The following ALLC variants were observed in gnomAD, a reference collection of about 807,000 sequenced individuals.
ALLC encodes allantoicase, also known as probable inactive allantoicase.
ALLC carries 40 observed loss-of-function variants against 45.0 expected under a neutral mutation model. The ratio of observed to expected loss-of-function variants is 0.89; its 90% CI spans 0.69 to 1.16. ALLC has a LOEUF of 1.16. Among genes scored for constraint, ALLC ranks in the 50% most tolerant of loss-of-function variants. The pLI is 0.00. For synonymous variants in ALLC, 176 were observed against 178.1 expected, an observed-to-expected ratio of 0.99 and a Z score of 0.09; for missense variants, 488 against 493.1, an observed-to-expected ratio of 0.99 and a Z score of 0.10.
At chr2:3,686,569 G>A (rs1476571656) in intron 7 of ALLC, among the ~76,000 whole-genome samples, 1 of 150,836 alleles carries the variant, frequency 6.6e-6, no homozygotes, top group East Asian at 2.0e-4. Flanking sequence ...TTCAATCTAG[G>A]AGCACGGAAC....
the ALLC span, among the ~76,000 whole-genome samples, chr2:3,651,309 T>TGGGGG: frequency 8.6e-5 from 1 of 11,604 alleles, no homozygotes; most frequent in African/African-American, 2.6e-4. Context: ...GGTGGGTGGG[T>TGGGGG]GGGTGGGGGG....
In ALLC at chr2:3,679,726, T is replaced by G. The variant is rs1350136820; in HGVS notation, c.173-143T>G. ...TGAGAGATCCTACAGTCATATTAGC[T>G]AAGAACCGCCCTGAACAGTTTTTTC... On this transcript the variant is annotated intron_variant, in intron 4 of 11. Transcript: ENST00000252505. 6.3e-6 allele frequency: 7 copies of G among 1,114,798 alleles called. No individual in the cohort carries two copies. In the African/African-American group the frequency reaches 1.1e-4, roughly 17 times the overall value. The allele number at this position is 1,114,798 out of a possible 1,614,324, so 69.1% of individuals were successfully genotyped here.
intron 11 of ALLC, 56 bp downstream of exon 11, chr2:3,701,692 T>G: frequency 3.2e-6 from 5 of 1,541,548 alleles, no homozygotes; most frequent in Non-Finnish European, 4.4e-6. Flanking sequence ...TTCCCTAAGA[T>G]TCTCTTTTGA....
At chr2:3,675,652 C>T (rs556588232) in intron 3 of ALLC, among the ~76,000 whole-genome samples, 40 of 152,078 alleles carry the variant, frequency 2.6e-4, no homozygotes, top group South Asian at 2.5e-3. Flanking sequence ...TATATAGTCA[C>T]GCTATAACAT....
At position 3,682,514 on chromosome 2, in the gene ALLC, ATTAT is replaced by A. The variant is rs570041948; in HGVS notation, c.379-417_379-414del. On this transcript the variant is annotated intron_variant, in intron 6 of 11. Coordinates refer to ENST00000252505, the MANE Select transcript of ALLC (RefSeq NM_018436.4). ...TAAAGTGTTTCATTAGGTATCCATC[ATTAT>A]TTATTTATTTGTTTGTTTATTTTTT... is the stretch of plus-strand genomic sequence containing the variant. 3.6e-4 allele frequency among the ~76,000 whole-genome samples: 55 copies of A among 152,184 alleles called. 2 individuals are homozygous for A. The South Asian group carries it at 0.011, about 30-fold the overall frequency.
upstream of ALLC, among the ~76,000 whole-genome samples, chr2:3,653,765 ACT>A (rs995183075): frequency 6.6e-6 from 1 of 151,260 alleles, no homozygotes; most frequent in African/African-American, 2.4e-5. This position sits in a 1 kb window ranked among gnomAD's most constrained non-coding sequence, Gnocchi z 4.1. Flanking sequence ...CTGAGGGAAG[ACT>A]CTGGTGAGGG....
intron 2 of ALLC, 24 bp from the exon 3 acceptor site, chr2:3,674,047 ATCTT>A (rs72082952): frequency 0.22 from 315,071 of 1,405,766 alleles, 34,779 homozygotes; most frequent in African/African-American, 0.29. Flanking sequence ...TGGTTGCTTT[ATCTT>A]TCTTTCTTTC....
intron 2 of ALLC, among the ~76,000 whole-genome samples, chr2:3,673,400 C>T (rs1666944413): frequency 6.6e-6 from 1 of 152,206 alleles, no homozygotes; most frequent in Non-Finnish European, 1.5e-5. Context: ...CAGGTCTTCC[C>T]TCTGCTCTGC....
At chr2:3,665,078 A>G (rs1666670618) in intron 1 of ALLC, among the ~76,000 whole-genome samples, 1 of 152,134 alleles carries the variant, frequency 6.6e-6, no homozygotes, top group Non-Finnish European at 1.5e-5. Flanking sequence ...CCTAGTTTGA[A>G]TAACAGGTTT....
At chr2:3,649,055 C>T in the ALLC span, among the ~76,000 whole-genome samples, 2 of 152,042 alleles carry the variant, frequency 1.3e-5, no homozygotes, top group Non-Finnish European at 1.5e-5. Flanking sequence ...TTCTCATGCA[C>T]GCCGTAGACG....
At chr2:3,683,290 T>C (rs1667247383) in intron 7 of ALLC, among the ~76,000 whole-genome samples, 1 of 152,260 alleles carries the variant, frequency 6.6e-6, no homozygotes, top group African/African-American at 2.4e-5. Flanking sequence ...AATTAGGATG[T>C]GGTGGAACTA....
At position 3,681,642 on chromosome 2, in the gene ALLC, C is replaced by A. The variant is rs1390393822; in HGVS notation, c.307C>A (p.Pro103Thr). Residue 103 changes from proline to threonine, a missense_variant, in exon 6 of 12, where the codon CCA (proline) becomes ACA (threonine). Coordinates refer to ENST00000252505, the MANE Select transcript of ALLC (RefSeq NM_018436.4). ...QAANLEEDKLPEIPERGTRTG... is the reference protein window; with the variant it reads ...QAANLEEDKLTEIPERGTRTG... ...GGTCATTCCAACTACAGATAAACTA[C>A]CAGAAATCCCAGAAAGAGGAACCAG... The A allele has an allele frequency of 6.2e-7, 1 of 1,608,934 alleles. No individual in the cohort carries two copies.
At chr2:3,663,059 C>T (rs1321494425) in intron 1 of ALLC, among the ~76,000 whole-genome samples, 1 of 152,188 alleles carries the variant, frequency 6.6e-6, no homozygotes, top group Non-Finnish European at 1.5e-5. Flanking sequence ...TTGTACCCAG[C>T]AATCCCATTA....
intron 8 of ALLC, 76 bp downstream of exon 8, chr2:3,695,948 T>C (rs1055703405): frequency 7.0e-7 from 1 of 1,436,374 alleles, no homozygotes; most frequent in Non-Finnish European, 9.4e-7. Context: ...ATGGTCAGAG[T>C]GATTTAAAAG....
chr2:3,664,915 C>G (rs1384736378), intron 1 of ALLC, among the ~76,000 whole-genome samples: 2 of 151,368 alleles, frequency 1.3e-5, no homozygotes, highest in East Asian at 3.9e-4. Context: ...AACCCCCCCC[C>G]AAACCAGATG....
chr2:3,651,429 GT>G, the ALLC span, among the ~76,000 whole-genome samples: 10 of 59,948 alleles, frequency 1.7e-4, no homozygotes, highest in South Asian at 8.1e-4. Flanking sequence ...GTGTGTGTGT[GT>G]GTGTGTGTGT....
intron 2 of ALLC, among the ~76,000 whole-genome samples, chr2:3,673,199 C>A (rs1270582426): frequency 1.3e-5 from 2 of 152,232 alleles, no homozygotes; most frequent in Non-Finnish European, 2.9e-5. Flanking sequence ...CTCCAGGTGG[C>A]TCAGTGTTTC....
chr2:3,702,283 G>A (rs1314493709), intron 11 of ALLC, 80 bp from the exon 12 acceptor site: 1 of 1,274,998 alleles, frequency 7.8e-7, no homozygotes, highest in African/African-American at 1.5e-5. Context: ...CTAAGCCAAA[G>A]GTTTGCCCGG....
chr2:3,648,232 T>C, the ALLC span, among the ~76,000 whole-genome samples: 1 of 152,212 alleles, frequency 6.6e-6, no homozygotes, highest in Non-Finnish European at 1.5e-5. Context: ...ATTATTTTAA[T>C]GGATGAGTCT....
Sources: allele counts gnomAD v4.1 joint callset (sites outside exome capture counted in the v4.1 genomes callset), GRCh38; gene constraint gnomAD v4.1.1; non-coding constraint Gnocchi (gnomAD v3.1); transcripts MANE v1.5; gene names NCBI Gene and HGNC (gene_info 2026-07-23, HGNC 2026-07-21).